ANO4: variants seen among roughly 807,000 people sequenced by gnomAD.
ANO4 encodes the protein anoctamin 4, also known as anoctamin-4.
A neutral mutation model predicts 141.9 loss-of-function variants in ANO4; 69 were observed. The ratio of observed to expected loss-of-function variants is 0.49; its 90% CI spans 0.40 to 0.59. The LOEUF (loss-of-function observed/expected upper bound fraction) is 0.59. ANO4 is among the 20% of genes least tolerant of loss of function. The pLI is 0.00. For synonymous variants in ANO4, 350 were observed against 394.3 expected (o/e 0.89, Z 1.33); for missense variants, 894 against 1,162.2 (o/e 0.77, Z 3.36).
At chr12:101,017,187 T>C (rs2046348376) in intron 8 of ANO4, among the ~76,000 whole-genome samples, 1 of 152,192 alleles carries the variant, frequency 6.6e-6, no homozygotes, top group Admixed American at 6.5e-5. Context: ...CTTGCAATCA[T>C]GGTGGAAGAT....
At chr12:100,942,991 G>A (rs1365204819) in intron 5 of ANO4, among the ~76,000 whole-genome samples, 1 of 152,136 alleles carries the variant, frequency 6.6e-6, no homozygotes, top group Non-Finnish European at 1.5e-5. Flanking sequence ...AAAGCAGCTG[G>A]AACTTACAAA....
intron 1 of ANO4, among the ~76,000 whole-genome samples, chr12:100,857,101 G>A (rs941921225): frequency 2.6e-5 from 4 of 152,112 alleles, no homozygotes; most frequent in Non-Finnish European, 4.4e-5. Context: ...ATCATGGGGC[G>A]TATGGAGACT....
chr12:100,986,643 C>T (rs1279448243), intron 7 of ANO4, among the ~76,000 whole-genome samples: 2 of 152,144 alleles, frequency 1.3e-5, no homozygotes, highest in Non-Finnish European at 2.9e-5. Flanking sequence ...TAAAGCATGA[C>T]CAAATTCCAC....
chr12:100,994,442 G>A (rs1333087437), intron 8 of ANO4, among the ~76,000 whole-genome samples: 1 of 152,022 alleles, frequency 6.6e-6, no homozygotes, highest in African/African-American at 2.4e-5. Context: ...GTTTTCTGCT[G>A]GTAGACAGAA....
At chr12:101,071,800 T>C (rs963060923) in intron 14 of ANO4, among the ~76,000 whole-genome samples, 1 of 152,124 alleles carries the variant, frequency 6.6e-6, no homozygotes, top group Non-Finnish European at 1.5e-5. Context: ...GAATATCTCA[T>C]GTACCCCATA....
At chr12:101,006,807 G>A (rs1304131079) in intron 8 of ANO4, among the ~76,000 whole-genome samples, 1 of 152,184 alleles carries the variant, frequency 6.6e-6, no homozygotes, top group Non-Finnish European at 1.5e-5. Context: ...CCTGATAGTG[G>A]TTACCTCTAG....
intron 8 of ANO4, among the ~76,000 whole-genome samples, chr12:101,004,588 G>C (rs1166016114): frequency 1.3e-5 from 2 of 152,200 alleles, no homozygotes; most frequent in African/African-American, 2.4e-5. Context: ...GTAGTTTGCA[G>C]AGTCTCTATT....
At chr12:101,107,408 A>G (rs981837678) in intron 22 of ANO4, among the ~76,000 whole-genome samples, 21 of 152,210 alleles carry the variant, frequency 1.4e-4, no homozygotes, top group African/African-American at 4.8e-4. Context: ...AATCAAGACA[A>G]AGTAAGTTTT....
At chr12:100,961,416 TCCTTATGAGGC>T (rs2043418923) in intron 5 of ANO4, among the ~76,000 whole-genome samples, 1 of 152,208 alleles carries the variant, frequency 6.6e-6, no homozygotes, top group Non-Finnish European at 1.5e-5. Flanking sequence ...GTGTTATGTA[TCCTTATGAGGC>T]CCTCTGAGCT....
At chr12:100,985,748 C>T (rs1363641021) in intron 7 of ANO4, among the ~76,000 whole-genome samples, 1 of 152,126 alleles carries the variant, frequency 6.6e-6, no homozygotes. Context: ...CACCACCAAG[C>T]AGAGTTGGGA....
chr12:101,040,772 G>C (rs1268405805), intron 11 of ANO4, among the ~76,000 whole-genome samples: 1 of 141,166 alleles, frequency 7.1e-6, no homozygotes, highest in African/African-American at 2.7e-5. Context: ...ACCCCCCATA[G>C]GCCCTGGTGT....
rs145039703 is a variant in ANO4, at chr12:101,053,266, G to T, written c.1312+4865G>T. Among the ~76,000 whole-genome samples, 147 of 152,344 alleles carry T rather than the reference G, an allele frequency of 9.6e-4. 1 individual carries two copies. The highest frequency in any genetic ancestry group is 3.3e-3 in the African/African-American group (137 of 41,582). On this transcript the variant is annotated intron_variant, in intron 14 of 27. Coordinates refer to ENST00000392977, the MANE Select transcript of ANO4 (RefSeq NM_001286615.2). ...TAGCTTTGCCAGGCAGAGTAGTGGG[G>T]TTGGAAGGAGACATAGATAACATTC...
At chr12:100,841,762 AG>A (rs1352868165) in intron 1 of ANO4, among the ~76,000 whole-genome samples, 1 of 152,204 alleles carries the variant, frequency 6.6e-6, no homozygotes, top group Non-Finnish European at 1.5e-5. Flanking sequence ...TCAGAAATAT[AG>A]GATATAATTG....
intron 8 of ANO4, among the ~76,000 whole-genome samples, chr12:100,993,459 G>A (rs2045230591): frequency 6.6e-6 from 1 of 152,056 alleles, no homozygotes. Context: ...GAACAAAATG[G>A]TCAAAGAACC....
At chr12:100,799,636 G>T (rs564142430) in intron 1 of ANO4, among the ~76,000 whole-genome samples, 1 of 152,138 alleles carries the variant, frequency 6.6e-6, no homozygotes, top group Non-Finnish European at 1.5e-5. Flanking sequence ...AGCTACTCAG[G>T]AGGCTGAGGT....
chr12:100,843,135 C>T (rs1264476553), intron 1 of ANO4, among the ~76,000 whole-genome samples: 2 of 152,068 alleles, frequency 1.3e-5, no homozygotes, highest in African/African-American at 4.8e-5. Context: ...CCAACACCAC[C>T]GCTTACTCTC....
chr12:100,933,606 A>G (rs559783633), intron 3 of ANO4, among the ~76,000 whole-genome samples: 63 of 152,344 alleles, frequency 4.1e-4, no homozygotes, highest in African/African-American at 1.4e-3. Flanking sequence ...TTATAGTAGC[A>G]TGATTTATAA....
chr12:100,810,686 T>C (rs1034304855), intron 1 of ANO4, among the ~76,000 whole-genome samples: 1 of 152,068 alleles, frequency 6.6e-6, no homozygotes, highest in Non-Finnish European at 1.5e-5. Context: ...GCATAGGAAG[T>C]AAAATGGGCA....
At chr12:101,073,057 C>A (rs1010073047) in intron 14 of ANO4, among the ~76,000 whole-genome samples, 2 of 152,120 alleles carry the variant, frequency 1.3e-5, no homozygotes, top group African/African-American at 4.8e-5. Context: ...CTGGAAATAC[C>A]ATTTGACCCA....
Sources: gnomAD v4.1 joint callset for allele counts (sites outside exome capture counted in the v4.1 genomes callset) on GRCh38, gnomAD v4.1.1 for gene constraint, MANE v1.5 for transcripts, NCBI Gene and HGNC (gene_info 2026-07-23, HGNC 2026-07-21) for gene names.